Variants in ZGRF1 observed in about 807,000 individuals in gnomAD.
ZGRF1 encodes zinc finger GRF-type containing 1, also known as 5'-3' DNA helicase ZGRF1.
Under a neutral mutation model 203.5 loss-of-function variants are expected in ZGRF1, and 196 were observed. The observed-to-expected ratio is 0.96, with a 90% CI of 0.86 to 1.08. ZGRF1 has a LOEUF of 1.08. Ranked by LOEUF, ZGRF1 falls within the 50% of genes least tolerant of loss-of-function variation. The pLI is 0.00. For missense variants in ZGRF1, 2,326 were observed against 2,416.3 expected (o/e 0.96, Z 0.78); for synonymous variants, 809 against 841.3 (o/e 0.96, Z 0.66).
chr4:112,552,263 C>T (rs922379133), intron 22 of ZGRF1, among the ~76,000 whole-genome samples: 4 of 147,518 alleles, frequency 2.7e-5, no homozygotes, highest in South Asian at 2.1e-4. Flanking sequence ...GGTGACAGAG[C>T]GAGACTCTGG....
chr4:112,621,648 C>T (rs978714060), intron 4 of ZGRF1, among the ~76,000 whole-genome samples: 1 of 138,140 alleles, frequency 7.2e-6, no homozygotes, highest in African/African-American at 2.7e-5. Flanking sequence ...AGCAAAACTC[C>T]ATCTCAAAAA....
intron 24 of ZGRF1, among the ~76,000 whole-genome samples, chr4:112,544,223 A>C (rs539356586): frequency 9.7e-4 from 147 of 152,316 alleles, no homozygotes; most frequent in African/African-American, 3.4e-3. Flanking sequence ...GGAACTTCTT[A>C]ATTAAGAAGG....
rs531449217 is a variant in ZGRF1 at position 112,562,456 on chromosome 4, C to T, written c.4612G>A (p.Ala1538Thr). The T allele has an allele frequency of 1.2e-6, 2 of 1,607,770 alleles. No individual in the cohort carries two copies. The highest frequency in any genetic ancestry group is 2.2e-5 in the East Asian group (1 of 44,782). The change falls in exon 18 of 28, where the codon GCT becomes ACT. Residue 1538 changes from alanine (A) to threonine (T), a missense_variant. Ala to Thr is a moderately conservative substitution (Grantham distance 58). Coordinates refer to ENST00000505019, the MANE Select transcript of ZGRF1 (RefSeq NM_018392.5). ...TTCAAAGTAGTCAGTTCTGTGCTAG[C>T]ATTACAAACCAATAACGCATGGACA... Reference protein sequence around the residue: ...MVVHALLVCNASTELTTLKNI... With the variant: ...MVVHALLVCNTSTELTTLKNI...
rs754718398 is a variant in ZGRF1 at position 112,619,191 on chromosome 4, T to C, written c.851A>G (p.Gln284Arg). 1 of 1,613,388 alleles carries C rather than the reference T, an allele frequency of 6.2e-7. No homozygotes were observed. The highest frequency in any genetic ancestry group is 8.5e-7 in the Non-Finnish European group (1 of 1,179,968). ...TTTAGTAGCAATTTTTAAACTTCCTTGTGGTTGTTTTTGAGGAAAATGCTC... is the reference window on the plus strand; with the variant it reads ...TTTAGTAGCAATTTTTAAACTTCCTCGTGGTTGTTTTTGAGGAAAATGCTC... Reference protein sequence around the residue: ...MTEHFPQKQPQGSLKIATKPK... With the variant: ...MTEHFPQKQPRGSLKIATKPK... Residue 284 changes from glutamine (Q) to arginine (R), a missense_variant, in exon 6 of 28, where the codon CAA becomes CGA. Coordinates refer to ENST00000505019, the MANE Select transcript of ZGRF1 (RefSeq NM_018392.5).
At chr4:112,545,890 G>A (rs144650344) in intron 24 of ZGRF1, among the ~76,000 whole-genome samples, 1 of 152,142 alleles carries the variant, frequency 6.6e-6, no homozygotes, top group Non-Finnish European at 1.5e-5. Context: ...CTACTCAAAT[G>A]AGGCACCTAG....
chr4:112,571,900 A>G (rs1018364077), intron 16 of ZGRF1, among the ~76,000 whole-genome samples: 9 of 152,242 alleles, frequency 5.9e-5, no homozygotes, highest in African/African-American at 9.6e-5. Context: ...TAATTAAGGC[A>G]GTGTGGAACT....
chr4:112,607,972 A>C (rs1421393260), intron 8 of ZGRF1: 1 of 152,196 alleles, frequency 6.6e-6, no homozygotes, highest in Non-Finnish European at 1.5e-5. Flanking sequence ...CATTACAAAA[A>C]TACAAATGTA....
rs1224396706 is a variant in ZGRF1, at chr4:112,617,955, T to C, written c.2087A>G (p.Asn696Ser). ...NMNLHIPHIQ[N>S]QIAENSNLFS... ...TAGATTACTGTTTTCAGCAATCTGG[T>C]TTTGAATATGAGGAATATGTAAATT... Residue 696 changes from asparagine to serine, a missense_variant, in exon 6 of 28, where the codon AAC becomes AGC. Physicochemically the swap from Asn to Ser is conservative, Grantham distance 46. Coordinates refer to ENST00000505019, the MANE Select transcript of ZGRF1 (RefSeq NM_018392.5). 1 of 1,613,304 alleles carries C rather than the reference T, an allele frequency of 6.2e-7. No individual in the cohort carries two copies.
chr4:112,584,956 T>C (rs1746916387), intron 14 of ZGRF1, among the ~76,000 whole-genome samples: 1 of 152,248 alleles, frequency 6.6e-6, no homozygotes, highest in African/African-American at 2.4e-5. Context: ...ATCTGTTACT[T>C]GTACTGGGGA....
chr4:112,584,257 A>T (rs1464568743), intron 14 of ZGRF1, 83 bp from the exon 15 acceptor site: 1 of 835,180 alleles, frequency 1.2e-6, no homozygotes, highest in Non-Finnish European at 1.8e-6. Context: ...CAAGGCTTCT[A>T]TGAAGACTGC....
At chr4:112,567,353 TA>T (rs1055958201) in intron 16 of ZGRF1, among the ~76,000 whole-genome samples, 6 of 143,218 alleles carry the variant, frequency 4.2e-5, no homozygotes, top group African/African-American at 1.3e-4. Context: ...CACAAAGACT[TA>T]AAAAAAAAAC....
rs114645261 is a variant in ZGRF1, at chr4:112,569,984, A to T, written c.4439-6710T>A. ...ATGATGTAAGTTTACCCTGAAGTTA[A>T]TAATTTAAAACATATATGTACCCAA... On this transcript the variant is annotated intron_variant, in intron 16 of 27. Coordinates refer to ENST00000505019, the MANE Select transcript of ZGRF1 (RefSeq NM_018392.5). Among the ~76,000 whole-genome samples, 1,081 of 152,270 alleles carry T rather than the reference A, an allele frequency of 7.1e-3. 29 individuals carry two copies. The East Asian group carries it at 0.092, about 13-fold the overall frequency.
At chr4:112,564,332 G>T (rs1742593772) in intron 16 of ZGRF1, among the ~76,000 whole-genome samples, 1 of 152,214 alleles carries the variant, frequency 6.6e-6, no homozygotes, top group Non-Finnish European at 1.5e-5. Context: ...GAAGAACAGG[G>T]TTTTTAAAAA....
At chr4:112,605,919 ACT>A in intron 9 of ZGRF1, 87 bp downstream of exon 9, 1 of 852,428 alleles carries the variant, frequency 1.2e-6, no homozygotes, top group Non-Finnish European at 1.9e-6. Flanking sequence ...GCCTGTGAAA[ACT>A]CTGATACTTG....
intron 24 of ZGRF1, among the ~76,000 whole-genome samples, chr4:112,546,425 GA>G (rs1464622557): frequency 1.3e-5 from 2 of 151,882 alleles, no homozygotes; most frequent in African/African-American, 2.4e-5. Context: ...ATGCTGTAAA[GA>G]AAAAAAAGTT....
rs778228457 is a variant in ZGRF1, at chr4:112,620,120, G to T, written c.233C>A (p.Ala78Asp). 2.8e-5 allele frequency: 45 copies of T among 1,613,148 alleles called. No individual in the cohort carries two copies. The South Asian group carries it at 4.8e-4, about 17-fold the overall frequency. The change falls in exon 5 of 28, where the codon GCC becomes GAC. Residue 78 changes from alanine to aspartate, a missense_variant. Transcript: ENST00000505019. The part of the protein sequence containing the change: ...ITVEEVKVAG[A>D]IGIVKQNVNK... The stretch of plus-strand genomic sequence containing the variant: ...GACATTCTGCTTAACAATACCTATG[G>T]CTCCAGCAACTTTAACCTCTTCAAC...
rs561218906 is a variant in ZGRF1 at position 112,592,754 on chromosome 4, T to A, written c.2977-2880A>T. ...CACAGGTATTATTTATTTATTCTTA[T>A]GTATTCACCAAACCTGCTCCTCCCT... On this transcript the variant is annotated intron_variant, in intron 10 of 27. Transcript: ENST00000505019. Among the ~76,000 whole-genome samples, 7 of 152,334 alleles carry A rather than the reference T, an allele frequency of 4.6e-5. No homozygotes were observed. The East Asian group carries it at 1.2e-3, about 25-fold the overall frequency.
chr4:112,578,534 TA>T (rs2148978746), intron 16 of ZGRF1, among the ~76,000 whole-genome samples: 1 of 118,726 alleles, frequency 8.4e-6, no homozygotes, highest in African/African-American at 2.9e-5. Context: ...GCAAGACTAA[TA>T]AAGAAGAAAA....
intron 6 of ZGRF1, among the ~76,000 whole-genome samples, chr4:112,614,445 C>T (rs1434736285): frequency 2.0e-5 from 3 of 152,182 alleles, no homozygotes; most frequent in Non-Finnish European, 4.4e-5. Context: ...CTTGTTTTAG[C>T]TTATGTTGTA....
Sources: allele counts gnomAD v4.1 joint callset (sites outside exome capture counted in the v4.1 genomes callset), GRCh38; gene constraint gnomAD v4.1.1; transcripts MANE v1.5; gene names NCBI Gene and HGNC (gene_info 2026-07-23, HGNC 2026-07-21).